Variants in KRT78 observed in about 807,000 individuals in gnomAD.
KRT78 encodes keratin 78, also known as keratin, type II cytoskeletal 78.
KRT78 carries 55 observed loss-of-function variants against 51.4 expected under a neutral mutation model. That is an observed-to-expected ratio of 1.07 (90% CI 0.86 to 1.34). The LOEUF is 1.34. KRT78 is among the 40% of genes most tolerant of loss of function. The pLI, the probability that KRT78 is intolerant of heterozygous loss-of-function variation, is 0.00. For synonymous variants in KRT78, 291 were observed against 264.3 expected (o/e 1.10, Z -0.98); for missense variants, 652 against 649.4 (o/e 1.00, Z -0.04).
chr12:52,846,068 G>T, intron 4 of KRT78, 129 bp downstream of exon 4: 1 of 633,596 alleles, frequency 1.6e-6, no homozygotes, highest in South Asian at 1.9e-5. Flanking sequence ...GTTGTCAAGT[G>T]ACTGAATGAC....
chr12:52,845,136 C>T (rs1940611213), intron 4 of KRT78, among the ~76,000 whole-genome samples: 1 of 151,928 alleles, frequency 6.6e-6, no homozygotes, highest in Admixed American at 6.6e-5. Context: ...CTCCCTCAGC[C>T]TCCCTAGTAG....
Position 52,848,987 on chromosome 12 carries a change from G to C in KRT78, c.-57C>G, listed in dbSNP as rs1940719618. On this transcript the variant is annotated 5_prime_UTR_variant, in exon 1 of 9. Coordinates refer to ENST00000304620, the MANE Select transcript of KRT78 (RefSeq NM_173352.4). ...GGACAGACAGATTGTCAAGGTGTGTGAGTTTCTGCCCTGGGGCCCCAGCAC... is the reference window on the plus strand; with the variant it reads ...GGACAGACAGATTGTCAAGGTGTGTCAGTTTCTGCCCTGGGGCCCCAGCAC... 6.7e-7 allele frequency: 1 copy of C among 1,494,660 alleles called. No homozygotes were observed. The highest frequency in any genetic ancestry group is 1.4e-5 in the African/African-American group (1 of 71,606). 92.6% of individuals were successfully genotyped at this position (1,494,660 alleles called of 1,614,324 possible). A position where few individuals can be genotyped will look rare whatever the true frequency, so the allele number is the denominator to read the frequency against.
At chr12:52,839,624 T>G in intron 7 of KRT78, 137 bp from the exon 8 acceptor site, 1 of 1,278,072 alleles carries the variant, frequency 7.8e-7, no homozygotes, top group South Asian at 1.4e-5. Context: ...TTAAAATCCC[T>G]CTCTGCAGCG....
intron 7 of KRT78, 84 bp from the exon 8 acceptor site, chr12:52,839,571 A>G: frequency 1.4e-6 from 2 of 1,412,900 alleles, no homozygotes; most frequent in Non-Finnish European, 1.9e-6. Context: ...CCCTCAAAGC[A>G]GGTCACCCAC....
rs369493478 is a variant in KRT78 at position 52,839,770 on chromosome 12, T to A, written c.1262A>T (p.Glu421Val). 3 of 1,613,766 alleles carry A rather than the reference T, an allele frequency of 1.9e-6. No homozygotes were observed. In the African/African-American group the frequency reaches 4.0e-5, roughly 22 times the overall value. Residue 421 changes from glutamate (E) to valine (V), a missense_variant, in exon 7 of 9, where the codon GAG (glutamate) becomes GTG (valine). Transcript: ENST00000304620. The stretch of plus-strand genomic sequence containing the variant: ...CCCTCCAAGCCTCCCTCACCTGCAC[T>A]CCTCGCCCTCCAGCAGCCTGCGGTA... The part of the protein sequence containing the change: ...ATYRRLLEGE[E>V]CRMSGECTSQ...
At chr12:52,842,821 G>A (rs1312939346) in intron 6 of KRT78, among the ~76,000 whole-genome samples, 1 of 151,454 alleles carries the variant, frequency 6.6e-6, no homozygotes, top group Non-Finnish European at 1.5e-5. Flanking sequence ...GGGAGGCTGA[G>A]GCAGAATTGC....
intron 6 of KRT78, among the ~76,000 whole-genome samples, chr12:52,842,262 T>A (rs1940516284): frequency 6.6e-6 from 1 of 152,224 alleles, no homozygotes; most frequent in Non-Finnish European, 1.5e-5. Context: ...GGAAATGGCC[T>A]GACTCTGTGG....
intron 3 of KRT78, among the ~76,000 whole-genome samples, 158 bp from the exon 4 acceptor site, chr12:52,846,450 C>T (rs2120424467): frequency 6.6e-6 from 1 of 152,290 alleles, no homozygotes; most frequent in Admixed American, 6.5e-5. Context: ...CTGCTCTCTC[C>T]TTTGCCCAAC....
In KRT78 at chr12:52,848,715, C is replaced by T; in HGVS notation, c.216G>A (p.Gly72=). The T allele has an allele frequency of 2.5e-6, 4 of 1,612,196 alleles. No homozygotes were observed. The highest frequency in any genetic ancestry group is 1.1e-5 in the South Asian group (1 of 90,864). ...LGVRFGEWSG[G]PGLSLCPPGG... ...CCGGAGGGCACAGGGAGAGCCCAGG[C>T]CCACCACTCCACTCCCCAAACCGCA... The change falls in exon 1 of 9, where the codon GGG becomes GGA. Residue 72 remains glycine (G), a synonymous_variant. Coordinates refer to ENST00000304620, the MANE Select transcript of KRT78 (RefSeq NM_173352.4).
Position 52,848,720 on chromosome 12 carries a change from C to G in KRT78, c.211G>C (p.Gly71Arg). 1 of 1,612,688 alleles carries G rather than the reference C, an allele frequency of 6.2e-7. No homozygotes were observed. The highest frequency in any genetic ancestry group is 8.5e-7 in the Non-Finnish European group (1 of 1,179,240). Residue 71 changes from glycine (G) to arginine (R), a missense_variant, in exon 1 of 9, where the codon GGT becomes CGT. Physicochemically the swap from Gly to Arg is moderately radical, Grantham distance 125. Coordinates refer to ENST00000304620, the MANE Select transcript of KRT78 (RefSeq NM_173352.4). ...GGGCACAGGGAGAGCCCAGGCCCAC[C>G]ACTCCACTCCCCAAACCGCACCCCC... ...RLGVRFGEWS[G>R]GPGLSLCPPG...
In KRT78 at chr12:52,840,070, G is replaced by C. The variant is rs944024541; in HGVS notation, c.1048-86C>G. On this transcript the variant is annotated intron_variant, in intron 6 of 8. Transcript: ENST00000304620. Reference sequence around the variant, plus strand: ...CACCCACTGTGGATATCACTTGAAGGCTGGGGCGGATCATAATCTTATGAG... The same window carrying C: ...CACCCACTGTGGATATCACTTGAAGCCTGGGGCGGATCATAATCTTATGAG... The C allele has an allele frequency of 1.3e-5, 12 of 931,744 alleles. No individual in the cohort carries two copies. The African/African-American group carries it at 2.0e-4, about 15-fold the overall frequency. The allele number at this position is 931,744 out of a possible 1,614,324, so 57.7% of individuals were successfully genotyped here. A position where few individuals can be genotyped will look rare whatever the true frequency, so the allele number is the denominator to read the frequency against.
chr12:52,841,502 GA>G (rs1940499531), intron 6 of KRT78, among the ~76,000 whole-genome samples: 1 of 146,962 alleles, frequency 6.8e-6, no homozygotes, highest in Non-Finnish European at 1.5e-5. Flanking sequence ...AAAAAAAAAA[GA>G]AAATATAATC....
Position 52,848,691 on chromosome 12 carries a change from C to A in KRT78, c.240G>T (p.Pro80=). Residue 80 remains proline, a synonymous_variant, in exon 1 of 9, where the codon CCG becomes CCT. Coordinates refer to ENST00000304620, the MANE Select transcript of KRT78 (RefSeq NM_173352.4). ...SGGPGLSLCP[P]GGIQEVTINQ... Reference sequence around the variant, plus strand: ...TGATGGTCACTTCTTGGATGCCCCCCGGAGGGCACAGGGAGAGCCCAGGCC... The same window carrying A: ...TGATGGTCACTTCTTGGATGCCCCCAGGAGGGCACAGGGAGAGCCCAGGCC... 1.2e-6 allele frequency: 2 copies of A among 1,613,232 alleles called. No individual in the cohort carries two copies. The highest frequency in any genetic ancestry group is 1.7e-6 in the Non-Finnish European group (2 of 1,179,516).
intron 1 of KRT78, 164 bp downstream of exon 1, chr12:52,848,383 G>C (rs1328779706): frequency 9.3e-6 from 13 of 1,401,460 alleles, no homozygotes; most frequent in African/African-American, 7.2e-5. Context: ...CAGGGCCTCA[G>C]CATAGCCAGA....
intron 2 of KRT78, among the ~76,000 whole-genome samples, chr12:52,847,453 C>T (rs1211251121): frequency 6.6e-6 from 1 of 152,198 alleles, no homozygotes; most frequent in African/African-American, 2.4e-5. Context: ...AGAACCACAG[C>T]CCATCTGTGA....
intron 6 of KRT78, among the ~76,000 whole-genome samples, chr12:52,842,545 A>T (rs1940522391): frequency 6.6e-6 from 1 of 152,084 alleles, no homozygotes; most frequent in African/African-American, 2.4e-5. Flanking sequence ...AACTTCCCCC[A>T]CAGGGCACCA....
Position 52,838,245 on chromosome 12 carries a change from T to A in KRT78, c.*868A>T, listed in dbSNP as rs972479772. 5.9e-5 allele frequency: 9 copies of A among 152,102 alleles called. No homozygotes were observed. The highest frequency in any genetic ancestry group is 2.2e-4 in the African/African-American group (9 of 41,380). 9.4% of individuals were successfully genotyped at this position (152,102 alleles called of 1,614,324 possible). On this transcript the variant is annotated 3_prime_UTR_variant, in exon 9 of 9. Coordinates refer to ENST00000304620, the MANE Select transcript of KRT78 (RefSeq NM_173352.4). ...GGCACCCATGAGGCTGCTGGGGGTG[T>A]GTAGAAAAGGTGATCCTTCCAGCCC... is the stretch of plus-strand genomic sequence containing the variant.
chr12:52,839,154 T>G lies in KRT78; in HGVS notation c.1522A>C (p.Lys508Gln). 2 of 1,613,410 alleles carry G rather than the reference T, an allele frequency of 1.2e-6. No homozygotes were observed. Among genetic ancestry groups the G allele is most frequent in the Non-Finnish European group, 1.7e-6 (2 of 1,179,890 alleles). The change falls in exon 9 of 9, where the codon AAG (lysine) becomes CAG (glutamine). Residue 508 changes from lysine to glutamine, a missense_variant. Coordinates refer to ENST00000304620, the MANE Select transcript of KRT78 (RefSeq NM_173352.4). ...AGSSCHTILK[K>Q]TVESSLKTSI... is the part of the protein sequence containing the mutation. Reference sequence around the variant, plus strand: ...GTCTTCAGACTCGACTCAACTGTCTTCTTCAGGATGGTGTGGCAGCTGGAG... The same window carrying G: ...GTCTTCAGACTCGACTCAACTGTCTGCTTCAGGATGGTGTGGCAGCTGGAG...
chr12:52,846,421 C>T (rs1343826388), intron 3 of KRT78, 129 bp from the exon 4 acceptor site: 6 of 707,816 alleles, frequency 8.5e-6, no homozygotes, highest in Admixed American at 4.0e-5. Context: ...CCTCCTTCCT[C>T]CTCCAGCCCC....
Sources: gnomAD v4.1 joint callset for allele counts (sites outside exome capture counted in the v4.1 genomes callset) on GRCh38, gnomAD v4.1.1 for gene constraint, MANE v1.5 for transcripts, NCBI Gene and HGNC (gene_info 2026-07-23, HGNC 2026-07-21) for gene names.